Variants in ZNF475 observed in about 807,000 individuals in gnomAD.
ZNF475 encodes the protein zinc finger protein 475.
At chr5:122,180,211 A>C in the ZNF475 span, 1 of 152,530 alleles carries the variant, frequency 6.6e-6, no homozygotes, top group Non-Finnish European at 1.5e-5. Flanking sequence ...AACATTGAGT[A>C]AACTGGTCCA....
At chr5:122,178,910 G>C in the ZNF475 span, among the ~76,000 whole-genome samples, 6 of 152,222 alleles carry the variant, frequency 3.9e-5, no homozygotes, top group East Asian at 5.8e-4. Context: ...CTTAATTTTT[G>C]TATAAGGTGT....
At chr5:122,177,496 G>A in the ZNF475 span, among the ~76,000 whole-genome samples, 1 of 152,128 alleles carries the variant, frequency 6.6e-6, no homozygotes, top group Non-Finnish European at 1.5e-5. Flanking sequence ...AATATTAAAT[G>A]AGAAAATATA....
the ZNF475 span, among the ~76,000 whole-genome samples, chr5:122,177,885 T>C: frequency 6.6e-6 from 1 of 152,090 alleles, no homozygotes; most frequent in Non-Finnish European, 1.5e-5. Flanking sequence ...CGTAATGCTA[T>C]CCCTCCCCTA....
chr5:122,166,346 CT>C, the ZNF475 span, among the ~76,000 whole-genome samples: 76 of 145,470 alleles, frequency 5.2e-4, no homozygotes, highest in African/African-American at 8.0e-4. Flanking sequence ...AGTTATGTTT[CT>C]TTTTTTTTTT....
chr5:122,175,220 C>T, the ZNF475 span, among the ~76,000 whole-genome samples: 2 of 152,262 alleles, frequency 1.3e-5, no homozygotes, highest in South Asian at 4.1e-4. Flanking sequence ...CATCTAAAAT[C>T]TCTTTTTATG....
chr5:122,171,662 G>T, the ZNF475 span, among the ~76,000 whole-genome samples: 1 of 151,944 alleles, frequency 6.6e-6, no homozygotes, highest in Admixed American at 6.6e-5. Context: ...GAAAAGTGAG[G>T]AATTTAATGT....
the ZNF475 span, among the ~76,000 whole-genome samples, chr5:122,166,585 A>G: frequency 1.3e-5 from 2 of 152,008 alleles, no homozygotes; most frequent in African/African-American, 4.8e-5. Flanking sequence ...GAGTGAGAAC[A>G]TGCGGTGTTT....
the ZNF475 span, chr5:122,182,448 T>A: frequency 2.1e-6 from 3 of 1,420,628 alleles, no homozygotes; most frequent in Non-Finnish European, 2.8e-6. Flanking sequence ...TTTGGTATTT[T>A]TTTTTCTTTT....
the ZNF475 span, among the ~76,000 whole-genome samples, chr5:122,161,135 C>G: frequency 6.6e-6 from 1 of 152,196 alleles, no homozygotes; most frequent in Non-Finnish European, 1.5e-5. Flanking sequence ...TTGTGTAGTG[C>G]TCCTCTCCCT....
At chr5:122,182,392 C>T in the ZNF475 span, 1 of 878,116 alleles carries the variant, frequency 1.1e-6, no homozygotes, top group East Asian at 2.9e-5. Context: ...ATATGGTTCT[C>T]CCGAATAAAA....
At chr5:122,160,656 C>A in the ZNF475 span, among the ~76,000 whole-genome samples, 1 of 152,126 alleles carries the variant, frequency 6.6e-6, no homozygotes, top group Non-Finnish European at 1.5e-5. Flanking sequence ...AAAATACTGA[C>A]TGTAACTTCT....
the ZNF475 span, chr5:122,163,278 T>G: frequency 1.3e-5 from 2 of 152,202 alleles, no homozygotes; most frequent in African/African-American, 2.4e-5. Flanking sequence ...CAGAGGGTTA[T>G]TATGAGAACA....
chr5:122,175,737 A>G, the ZNF475 span, among the ~76,000 whole-genome samples: 15 of 152,080 alleles, frequency 9.9e-5, no homozygotes, highest in East Asian at 1.9e-4. Flanking sequence ...GACACCTCCA[A>G]TTGTGCCCTT....
chr5:122,178,525 A>G, the ZNF475 span, among the ~76,000 whole-genome samples: 1 of 152,148 alleles, frequency 6.6e-6, no homozygotes, highest in Admixed American at 6.6e-5. Context: ...GGGCTGCATA[A>G]ATGTCTTCTT....
At chr5:122,168,470 T>G in the ZNF475 span, among the ~76,000 whole-genome samples, 24,743 of 152,224 alleles carry the variant, frequency 0.16, 2,823 homozygotes, top group African/African-American at 0.32. Context: ...CAGCACTTTG[T>G]GAGGCCAAGG....
the ZNF475 span, among the ~76,000 whole-genome samples, chr5:122,172,119 A>G: frequency 6.6e-6 from 1 of 152,160 alleles, no homozygotes; most frequent in African/African-American, 2.4e-5. Flanking sequence ...CACAATCTCT[A>G]TATTTTTTAG....
the ZNF475 span, among the ~76,000 whole-genome samples, chr5:122,180,816 C>T: frequency 1.3e-5 from 2 of 152,152 alleles, no homozygotes; most frequent in African/African-American, 4.8e-5. Context: ...CTAGATCCTG[C>T]TAGATCCCAG....
At chr5:122,169,949 C>T in the ZNF475 span, among the ~76,000 whole-genome samples, 2 of 152,212 alleles carry the variant, frequency 1.3e-5, no homozygotes, top group East Asian at 1.9e-4. Context: ...GAAATGAACT[C>T]ATGCTAAATC....
chr5:122,169,055 C>T, the ZNF475 span, among the ~76,000 whole-genome samples: 1 of 152,222 alleles, frequency 6.6e-6, no homozygotes, highest in Non-Finnish European at 1.5e-5. Flanking sequence ...TGTTTCCATC[C>T]TATGTGGAAC....
Sources: gnomAD v4.1 joint callset for allele counts (sites outside exome capture counted in the v4.1 genomes callset) on GRCh38, gnomAD v4.1.1 for gene constraint, MANE v1.5 for transcripts, NCBI Gene and HGNC (gene_info 2026-07-23, HGNC 2026-07-21) for gene names.